Variants in MAPK10 observed in about 807,000 individuals in gnomAD.
MAPK10 encodes the protein JNK3 alpha protein kinase.
MAPK10 carries 25 observed loss-of-function variants against 59.3 expected under a neutral mutation model. The ratio of observed to expected loss-of-function variants is 0.42; its 90% CI spans 0.31 to 0.59. MAPK10 has a LOEUF of 0.59. Ranked by LOEUF, MAPK10 falls within the 20% of genes least tolerant of loss-of-function variation. The probability of loss-of-function intolerance (pLI) is 0.15; values close to 1 mark genes in which losing one functional copy is unlikely to be tolerated. For missense variants in MAPK10, 351 were observed against 568.9 expected (o/e 0.62, Z 3.90); for synonymous variants, 190 against 200.5 (o/e 0.95, Z 0.44).
chr4:86,100,824 C>T (rs1274460570), intron 8 of MAPK10: 1 of 415,094 alleles, frequency 2.4e-6, no homozygotes, highest in African/African-American at 2.0e-5. Context: ...AATTCTTTTT[C>T]ACTATTAACA....
chr4:86,375,067 T>C (rs1183636047), intron 1 of MAPK10, among the ~76,000 whole-genome samples: 2 of 152,200 alleles, frequency 1.3e-5, no homozygotes, highest in Non-Finnish European at 1.5e-5. Context: ...TGAATGATTA[T>C]AATGCGAGGG....
Position 86,017,459 on chromosome 4 carries a change from A to G in MAPK10, c.1253-89T>C, listed in dbSNP as rs1446654742. On this transcript the variant is annotated intron_variant, in intron 13 of 13. Transcript: ENST00000641462. The surrounding 1 kb of genome is among the most constrained non-coding windows in gnomAD (Gnocchi z 4.4). ...CAGGATTCAGGGATGGGCAAATACAATAGGGGATGTCCAGTCCATCAATCA... is the reference window on the plus strand; with the variant it reads ...CAGGATTCAGGGATGGGCAAATACAGTAGGGGATGTCCAGTCCATCAATCA... The G allele has an allele frequency of 1.0e-5, 14 of 1,392,072 alleles. No homozygotes were observed. The highest frequency in any genetic ancestry group is 8.8e-5 in the South Asian group (7 of 79,260). The allele number at this position is 1,392,072 out of a possible 1,614,324, so 86.2% of individuals were successfully genotyped here.
At chr4:86,495,033 T>C (rs2149076777) in intron 1 of MAPK10, among the ~76,000 whole-genome samples, 1 of 152,064 alleles carries the variant, frequency 6.6e-6, no homozygotes, top group Non-Finnish European at 1.5e-5. Flanking sequence ...AGAATTAAGG[T>C]CCAGAAAAAA....
intron 11 of MAPK10, among the ~76,000 whole-genome samples, chr4:86,048,856 A>G (rs141710918): frequency 7.1e-4 from 108 of 152,242 alleles, no homozygotes; most frequent in African/African-American, 2.6e-3. Context: ...TTTAAAATAT[A>G]CATACTTTTT....
At chr4:86,044,533 A>G in intron 11 of MAPK10, 2 of 388,392 alleles carry the variant, frequency 5.1e-6, no homozygotes, top group Non-Finnish European at 9.1e-6. Flanking sequence ...ATTCTAGAGA[A>G]AGTAGGTGAT....
At chr4:86,036,271 A>G (rs1359206782) in intron 11 of MAPK10, among the ~76,000 whole-genome samples, 1 of 152,158 alleles carries the variant, frequency 6.6e-6, no homozygotes, top group African/African-American at 2.4e-5. Context: ...TCTTCGGTGG[A>G]GGACGTTAAT....
Position 86,583,722 on chromosome 4 carries a change from C to G in MAPK10, c.-263+10188G>C, listed in dbSNP as rs112568529. Among the ~76,000 whole-genome samples the G allele has an allele frequency of 1.6e-3, 244 of 152,312 alleles. 2 individuals carry two copies. Among genetic ancestry groups the G allele is most frequent in the African/African-American group, 5.6e-3 (233 of 41,570 alleles). On this transcript the variant is annotated intron_variant, in intron 1 of 4. Coordinates refer to the MAPK10 transcript ENST00000502302. Reference sequence around the variant, plus strand: ...CCTTTCTGTTTAAGCCACTGCTTATCAGATACTCTGTTACTTGGGGCCAAT... The same window carrying G: ...CCTTTCTGTTTAAGCCACTGCTTATGAGATACTCTGTTACTTGGGGCCAAT...
intron 10 of MAPK10, 107 bp from the exon 11 acceptor site, chr4:86,064,497 C>T: frequency 9.6e-7 from 1 of 1,042,904 alleles, no homozygotes; most frequent in Non-Finnish European, 1.4e-6. Context: ...ATCTTCCTTC[C>T]AAACATCAGG....
chr4:86,113,643 TA>T (rs1474324362), intron 4 of MAPK10, among the ~76,000 whole-genome samples: 1 of 152,144 alleles, frequency 6.6e-6, no homozygotes, highest in East Asian at 1.9e-4. Flanking sequence ...TGGCTGCTCT[TA>T]ACATTTTTTC....
intron 2 of MAPK10, among the ~76,000 whole-genome samples, chr4:86,278,121 A>G (rs890560725): frequency 1.3e-5 from 2 of 152,144 alleles, no homozygotes; most frequent in African/African-American, 2.4e-5. Context: ...TGTTTTACTC[A>G]TATCAAAAGA....
chr4:86,253,880 A>G (rs2093582993), intron 2 of MAPK10, among the ~76,000 whole-genome samples: 1 of 37,776 alleles, frequency 2.6e-5, no homozygotes, highest in Non-Finnish European at 4.4e-5. Context: ...CAGAGATTCA[A>G]CTTCTTCCTG....
chr4:86,295,176 T>C (rs917937814), intron 2 of MAPK10, among the ~76,000 whole-genome samples: 1 of 152,182 alleles, frequency 6.6e-6, no homozygotes, highest in East Asian at 1.9e-4. Flanking sequence ...GACTTTCACT[T>C]CCATGTTATG....
chr4:86,315,381 C>T (rs60753208), intron 2 of MAPK10, among the ~76,000 whole-genome samples: 46,198 of 151,834 alleles, frequency 0.3, 7,473 homozygotes, highest in Non-Finnish European at 0.37. Flanking sequence ...TTTAATTGTA[C>T]ATTTTAAAAT....
At chr4:86,202,016 C>T (rs1233684569) in intron 2 of MAPK10, among the ~76,000 whole-genome samples, 2 of 151,758 alleles carry the variant, frequency 1.3e-5, no homozygotes, top group Non-Finnish European at 2.9e-5. Flanking sequence ...TAAAACATTG[C>T]TATTAGTTGT....
chr4:86,485,171 C>T (rs1337246526), intron 1 of MAPK10, among the ~76,000 whole-genome samples: 1 of 152,124 alleles, frequency 6.6e-6, no homozygotes, highest in African/African-American at 2.4e-5. Flanking sequence ...TCTTCCCCCA[C>T]TTAACCTTTA....
chr4:86,442,280 T>C (rs1749505495), intron 1 of MAPK10, among the ~76,000 whole-genome samples: 2 of 152,222 alleles, frequency 1.3e-5, no homozygotes, highest in African/African-American at 4.8e-5. Flanking sequence ...TCAATCTTTT[T>C]TCATAGTAAT....
At chr4:86,269,465 C>T (rs927319510) in intron 2 of MAPK10, among the ~76,000 whole-genome samples, 2 of 152,144 alleles carry the variant, frequency 1.3e-5, no homozygotes, top group Non-Finnish European at 2.9e-5. Flanking sequence ...CCTCTGGCTT[C>T]CTAAGTCTTA....
At chr4:86,200,514 G>A (rs553580931) in intron 2 of MAPK10, among the ~76,000 whole-genome samples, 1 of 151,948 alleles carries the variant, frequency 6.6e-6, no homozygotes, top group African/African-American at 2.4e-5. Flanking sequence ...TTCCATTGCT[G>A]ACAAAAATGT....
chr4:86,191,154 T>A (rs1367810493), intron 3 of MAPK10, among the ~76,000 whole-genome samples: 1 of 152,302 alleles, frequency 6.6e-6, no homozygotes, highest in Non-Finnish European at 1.5e-5. Flanking sequence ...TGAGGAGTGT[T>A]TTACTTCCAA....
Sources: gnomAD v4.1 joint callset for allele counts (sites outside exome capture counted in the v4.1 genomes callset) on GRCh38, gnomAD v4.1.1 for gene constraint, Gnocchi (gnomAD v3.1) non-coding constraint, MANE v1.5 for transcripts, NCBI Gene and HGNC (gene_info 2026-07-23, HGNC 2026-07-21) for gene names.